SH3D19: variants seen among roughly 807,000 people sequenced by gnomAD.
SH3D19 encodes the protein SH3 domain-containing protein 19.
SH3D19 carries 58 observed loss-of-function variants against 112.1 expected under a neutral mutation model. The observed-to-expected ratio is 0.52, with a 90% CI of 0.42 to 0.64. The LOEUF (loss-of-function observed/expected upper bound fraction) is 0.64, where lower values mean the gene tolerates loss of function less well. Ranked by LOEUF, SH3D19 falls within the 30% of genes least tolerant of loss-of-function variation. The pLI, the probability that SH3D19 is intolerant of heterozygous loss-of-function variation, is 0.00. For missense variants in SH3D19, 1,090 were observed against 1,263.4 expected (o/e 0.86, Z 2.08); for synonymous variants, 391 against 448.5 (o/e 0.87, Z 1.62).
chr4:151,172,383 T>C (rs1304137546), intron 7 of SH3D19, among the ~76,000 whole-genome samples: 1 of 151,998 alleles, frequency 6.6e-6, no homozygotes, highest in African/African-American at 2.4e-5. Context: ...GTAGCCACAG[T>C]ATGGATTGTG....
intron 1 of SH3D19, among the ~76,000 whole-genome samples, chr4:151,322,263 T>C (rs1580488197): frequency 6.6e-6 from 1 of 151,736 alleles, no homozygotes; most frequent in East Asian, 1.9e-4. Flanking sequence ...TGAAACCCCG[T>C]CTCCACTAAA....
chr4:151,140,246 G>A lies in SH3D19; in HGVS notation c.2224-399C>T, dbSNP rs116762696. 2.5e-3 allele frequency: 389 copies of A among 156,090 alleles called. 3 individuals are homozygous for A. Among genetic ancestry groups the A allele is most frequent in the African/African-American group, 8.9e-3 (370 of 41,700 alleles). The allele number at this position is 156,090 out of a possible 1,614,324, so 9.7% of individuals were successfully genotyped here. ...ATCAAGACAGAGTCTTAAAAGTTGT[G>A]TCTTTATTAGGATGGGAAAAGAAGA... is the stretch of plus-strand genomic sequence containing the variant. On this transcript the variant is annotated intron_variant, in intron 12 of 19. Transcript: ENST00000604030.
chr4:151,148,686 C>T (rs1754388721), intron 10 of SH3D19, among the ~76,000 whole-genome samples: 1 of 152,248 alleles, frequency 6.6e-6, no homozygotes. Context: ...ACAAAGAAAG[C>T]TAGTTCTGAA....
intron 9 of SH3D19, among the ~76,000 whole-genome samples, chr4:151,150,631 T>C (rs1754886865): frequency 1.3e-5 from 2 of 151,926 alleles, no homozygotes; most frequent in South Asian, 4.1e-4. Flanking sequence ...GCAAAAGGGC[T>C]GGATGGGCTA....
intron 1 of SH3D19, among the ~76,000 whole-genome samples, chr4:151,316,951 T>TA (rs539223953): frequency 6.6e-6 from 1 of 152,234 alleles, no homozygotes; most frequent in South Asian, 2.1e-4. Flanking sequence ...ACTTAATTGA[T>TA]AGTAGAATTT....
At chr4:151,175,837 GTTTA>G in intron 6 of SH3D19, 163 bp from the exon 7 acceptor site, 1 of 603,034 alleles carries the variant, frequency 1.7e-6, no homozygotes, top group Non-Finnish European at 2.4e-6. Context: ...AAATGGAAAT[GTTTA>G]TTCTGTTTCC....
At chr4:151,264,054 C>T (rs1296436618) in intron 1 of SH3D19, among the ~76,000 whole-genome samples, 1 of 152,162 alleles carries the variant, frequency 6.6e-6, no homozygotes, top group Non-Finnish European at 1.5e-5. Context: ...ATCCTCCTGC[C>T]TTCGTCTCCC....
At chr4:151,168,106 GC>G (rs1242786226) in intron 7 of SH3D19, among the ~76,000 whole-genome samples, 18 of 152,278 alleles carry the variant, frequency 1.2e-4, no homozygotes, top group African/African-American at 3.4e-4. Context: ...CATGGAGCTT[GC>G]ATTCCAGCAG....
intron 1 of SH3D19, among the ~76,000 whole-genome samples, chr4:151,246,017 C>G (rs886928072): frequency 6.8e-6 from 1 of 147,102 alleles, no homozygotes; most frequent in Non-Finnish European, 1.5e-5. Context: ...AGATATATGA[C>G]TTTATAACCC....
Position 151,139,920 on chromosome 4 carries a change from A to T in SH3D19, c.2224-73T>A, listed in dbSNP as rs1193851583. 7.6e-5 allele frequency: 97 copies of T among 1,277,484 alleles called. 1 individual carries two copies. The highest frequency in any genetic ancestry group is 1.7e-4 in the Admixed American group (8 of 47,612). 79.1% of individuals were successfully genotyped at this position (1,277,484 alleles called of 1,614,324 possible). A position where few individuals can be genotyped will look rare whatever the true frequency, so the allele number is the denominator to read the frequency against. On this transcript the variant is annotated intron_variant, in intron 12 of 19. Coordinates refer to ENST00000604030, the MANE Select transcript of SH3D19 (RefSeq NM_001378122.1). ...GGATTTATTATTCACTCTGAGACCA[A>T]TTTTTTTTTTCTCATTAGAGTCCTC...
At chr4:151,130,693 GCA>G (rs1174549005) in intron 17 of SH3D19, among the ~76,000 whole-genome samples, 1 of 152,150 alleles carries the variant, frequency 6.6e-6, no homozygotes, top group Non-Finnish European at 1.5e-5. Context: ...AGTAATCCCA[GCA>G]CTTAGGGAGG....
intron 1 of SH3D19, among the ~76,000 whole-genome samples, chr4:151,298,106 G>T (rs1025647660): frequency 2.6e-5 from 4 of 151,846 alleles, no homozygotes; most frequent in African/African-American, 9.7e-5. Flanking sequence ...ACGGAATGCA[G>T]TCCTGCCAGC....
intron 8 of SH3D19, among the ~76,000 whole-genome samples, chr4:151,160,217 G>T (rs888389500): frequency 6.6e-6 from 1 of 151,742 alleles, no homozygotes; most frequent in Non-Finnish European, 1.5e-5. Context: ...TTCCGGAGTA[G>T]CTGGGACTAC....
intron 10 of SH3D19, among the ~76,000 whole-genome samples, chr4:151,149,074 A>T (rs997588438): frequency 6.6e-6 from 1 of 152,082 alleles, no homozygotes; most frequent in Non-Finnish European, 1.5e-5. Context: ...ACATAGTAAT[A>T]ATGTCTTCTG....
chr4:151,315,024 T>A (rs1729854523), intron 1 of SH3D19, among the ~76,000 whole-genome samples: 1 of 152,180 alleles, frequency 6.6e-6, no homozygotes, highest in South Asian at 2.1e-4. Context: ...AGTAGCTTCA[T>A]AGGTGGGTAC....
chr4:151,165,453 A>G, intron 8 of SH3D19, 136 bp downstream of exon 8: 1 of 672,474 alleles, frequency 1.5e-6, no homozygotes. Context: ...GAATTGTGAA[A>G]AAACAATTTG....
In SH3D19 at chr4:151,179,380, G is replaced by C. The variant is rs894211499; in HGVS notation, c.211C>G (p.Gln71Glu). 3 of 1,229,812 alleles carry C rather than the reference G, an allele frequency of 2.4e-6. No homozygotes were observed. The East Asian group carries it at 9.5e-5, about 39-fold the overall frequency. 76.2% of individuals were successfully genotyped at this position (1,229,812 alleles called of 1,614,324 possible). ...CTTCTATCTCGATGAAGTTCACTCTGAATAGAAGTCCGAGAAGCTGTTGAA... is the reference window on the plus strand; with the variant it reads ...CTTCTATCTCGATGAAGTTCACTCTCAATAGAAGTCCGAGAAGCTGTTGAA... ...VIKRSSRTSI[Q>E]SELHRDRRRP... Residue 71 changes from glutamine to glutamate, a missense_variant, in exon 4 of 20, where the codon CAG becomes GAG. By Grantham distance (29) the Gln-to-Glu change is conservative. Coordinates refer to ENST00000604030, the MANE Select transcript of SH3D19 (RefSeq NM_001378122.1).
At chr4:151,271,141 G>A (rs1773196992) in intron 1 of SH3D19, among the ~76,000 whole-genome samples, 1 of 152,074 alleles carries the variant, frequency 6.6e-6, no homozygotes, top group Admixed American at 6.6e-5. Context: ...GTCCAGGCTG[G>A]TCTTGAATTC....
At chr4:151,248,945 C>T (rs939650896) in intron 1 of SH3D19, among the ~76,000 whole-genome samples, 42 of 152,114 alleles carry the variant, frequency 2.8e-4, no homozygotes, top group Admixed American at 2.3e-3. Context: ...AAGTTTTTCT[C>T]TTGTCAACTC....
Sources: allele counts gnomAD v4.1 joint callset (sites outside exome capture counted in the v4.1 genomes callset), GRCh38; gene constraint gnomAD v4.1.1; transcripts MANE v1.5; gene names NCBI Gene and HGNC (gene_info 2026-07-23, HGNC 2026-07-21).